Variants in AKAP7 observed in about 807,000 individuals in gnomAD.
AKAP7 encodes the protein A kinase (PRKA) anchor protein 7.
A neutral mutation model predicts 39.5 loss-of-function variants in AKAP7; 39 were observed. The ratio of observed to expected loss-of-function variants is 0.99; its 90% CI spans 0.76 to 1.29. AKAP7 has a LOEUF of 1.29. AKAP7 is among the 50% of genes most tolerant of loss of function. The pLI is 0.00. For missense variants in AKAP7, 414 were observed against 407.7 expected (o/e 1.02, Z -0.13); for synonymous variants, 140 against 139.1 (o/e 1.01, Z -0.05).
chr6:131,157,092 T>C (rs2128235829), intron 2 of AKAP7, among the ~76,000 whole-genome samples: 1 of 152,320 alleles, frequency 6.6e-6, no homozygotes, highest in Admixed American at 6.5e-5. Flanking sequence ...TACTAAATGT[T>C]CTTTAGCAGA....
chr6:131,152,925 G>A (rs1802058383), intron 2 of AKAP7, among the ~76,000 whole-genome samples: 1 of 151,136 alleles, frequency 6.6e-6, no homozygotes, highest in Admixed American at 6.6e-5. Context: ...TCAGGAGATT[G>A]AGACCATCCT....
chr6:131,189,083 C>G (rs944353041), intron 5 of AKAP7, among the ~76,000 whole-genome samples: 2 of 152,196 alleles, frequency 1.3e-5, no homozygotes, highest in African/African-American at 4.8e-5. Context: ...GGCAACACAA[C>G]ACACTATAGA....
rs191662399 is a variant in AKAP7, at chr6:131,196,905, T to A, written c.590-2556T>A. ...CTTATTTTATGTTTTAATTTTTTTATTCAAAAGTAATATATGCTCATTTTA... is the reference window on the plus strand; with the variant it reads ...CTTATTTTATGTTTTAATTTTTTTAATCAAAAGTAATATATGCTCATTTTA... On this transcript the variant is annotated intron_variant, in intron 5 of 7. Coordinates refer to ENST00000431975, the MANE Select transcript of AKAP7 (RefSeq NM_016377.4). Among the ~76,000 whole-genome samples, 190 of 152,254 alleles carry A rather than the reference T, an allele frequency of 1.2e-3. 1 individual carries two copies. Among genetic ancestry groups the A allele is most frequent in the Non-Finnish European group, 4.7e-4 (32 of 68,002 alleles).
intron 2 of AKAP7, among the ~76,000 whole-genome samples, chr6:131,146,822 C>G (rs1801525000): frequency 6.6e-6 from 1 of 152,200 alleles, no homozygotes; most frequent in African/African-American, 2.4e-5. Flanking sequence ...AATCTGGTTT[C>G]TGATTTGTTA....
chr6:131,178,013 G>C (rs150889190), intron 5 of AKAP7, among the ~76,000 whole-genome samples: 2 of 152,226 alleles, frequency 1.3e-5, no homozygotes, highest in Admixed American at 1.3e-4. Context: ...ATATCCTCAC[G>C]CAAAGGTCTT....
intron 7 of AKAP7, among the ~76,000 whole-genome samples, chr6:131,268,899 CTTTG>C (rs896796502): frequency 1.4e-4 from 21 of 152,050 alleles, no homozygotes; most frequent in South Asian, 6.2e-4. Flanking sequence ...TTTCTGATTT[CTTTG>C]TTTTTCTACC....
intron 2 of AKAP7, among the ~76,000 whole-genome samples, chr6:131,155,542 A>G (rs1305361641): frequency 2.0e-5 from 3 of 152,172 alleles, no homozygotes; most frequent in Admixed American, 6.5e-5. Context: ...TATTCTAACT[A>G]TCTTTTTGCA....
chr6:131,190,786 A>G (rs559809820), intron 5 of AKAP7, among the ~76,000 whole-genome samples: 1 of 152,376 alleles, frequency 6.6e-6, no homozygotes, highest in South Asian at 2.1e-4. Flanking sequence ...TTCTGTTAAC[A>G]GAAGTCCATT....
intron 6 of AKAP7, among the ~76,000 whole-genome samples, chr6:131,210,210 C>T (rs1808515842): frequency 6.6e-6 from 1 of 152,240 alleles, no homozygotes; most frequent in Non-Finnish European, 1.5e-5. Flanking sequence ...TTTTGACCAT[C>T]AGAATCTTAC....
intron 7 of AKAP7, among the ~76,000 whole-genome samples, chr6:131,222,296 C>A (rs908112043): frequency 1.3e-5 from 2 of 152,134 alleles, no homozygotes; most frequent in African/African-American, 4.8e-5. Context: ...GAGGCCAAGG[C>A]GGGCGGATCA....
At chr6:131,197,583 A>T (rs534298547) in intron 5 of AKAP7, among the ~76,000 whole-genome samples, 2 of 151,962 alleles carry the variant, frequency 1.3e-5, no homozygotes, top group African/African-American at 4.8e-5. Flanking sequence ...TCTTTTTCTT[A>T]GTGTGTTTTA....
chr6:131,250,302 G>C (rs950852896), intron 7 of AKAP7: 12 of 1,266,336 alleles, frequency 9.5e-6, no homozygotes, highest in Non-Finnish European at 1.2e-5. Context: ...ATACGGGAGC[G>C]TATAGCCACT....
chr6:131,191,737 C>T (rs979202685), intron 5 of AKAP7, among the ~76,000 whole-genome samples: 19 of 152,138 alleles, frequency 1.2e-4, no homozygotes, highest in African/African-American at 4.1e-4. Flanking sequence ...GCACCTAATG[C>T]TCACTGGGGT....
chr6:131,221,821 T>C (rs1809722853), intron 7 of AKAP7, among the ~76,000 whole-genome samples: 1 of 152,204 alleles, frequency 6.6e-6, no homozygotes, highest in Admixed American at 6.5e-5. Context: ...AAAAATTCTT[T>C]TCAAATGATT....
At position 131,270,869 on chromosome 6, in the gene AKAP7, T is replaced by C. The variant is rs180998189; in HGVS notation, c.851-10661T>C. Among the ~76,000 whole-genome samples, 394 of 152,324 alleles carry C rather than the reference T, an allele frequency of 2.6e-3. 1 individual carries two copies. The highest frequency in any genetic ancestry group is 2.5e-3 in the Non-Finnish European group (169 of 68,012). Reference sequence around the variant, plus strand: ...CATGTTTATCGACCATCTGTATATCTTATTTTGTGAAAAAAACTTTTCAGT... The same window carrying C: ...CATGTTTATCGACCATCTGTATATCCTATTTTGTGAAAAAAACTTTTCAGT... On this transcript the variant is annotated intron_variant, in intron 7 of 7. Transcript: ENST00000431975.
intron 7 of AKAP7, among the ~76,000 whole-genome samples, chr6:131,271,458 AAAGT>A: frequency 6.6e-6 from 1 of 152,222 alleles, no homozygotes; most frequent in Middle Eastern, 3.4e-3. Context: ...CTGTAGCTTC[AAAGT>A]AAGTCTTGAA....
chr6:131,211,697 C>T (rs1369814282), intron 6 of AKAP7, among the ~76,000 whole-genome samples: 5 of 140,246 alleles, frequency 3.6e-5, no homozygotes, highest in Middle Eastern at 4.2e-3. Context: ...GGCGAGAACC[C>T]GGGAGACGGA....
At chr6:131,260,988 G>A (rs1813269426) in intron 7 of AKAP7, among the ~76,000 whole-genome samples, 1 of 152,056 alleles carries the variant, frequency 6.6e-6, no homozygotes, top group Non-Finnish European at 1.5e-5. Context: ...CCTGAGGTTG[G>A]GAGTTTGAGA....
intron 5 of AKAP7, among the ~76,000 whole-genome samples, chr6:131,178,399 G>A (rs1020473860): frequency 2.0e-5 from 3 of 152,132 alleles, no homozygotes; most frequent in African/African-American, 7.2e-5. Context: ...TTAAATAGAT[G>A]GTAACTATTA....
Sources: allele counts gnomAD v4.1 joint callset (sites outside exome capture counted in the v4.1 genomes callset), GRCh38; gene constraint gnomAD v4.1.1; transcripts MANE v1.5; gene names NCBI Gene and HGNC (gene_info 2026-07-23, HGNC 2026-07-21).